Variants in LRRC4C observed in about 807,000 individuals in gnomAD.
LRRC4C encodes leucine-rich repeat-containing protein 4C.
Under a neutral mutation model 33.6 loss-of-function variants are expected in LRRC4C, and 5 were observed. That is an observed-to-expected ratio of 0.15 (90% CI 0.08 to 0.31). The LOEUF (loss-of-function observed/expected upper bound fraction) is 0.31, where lower values mean the gene tolerates loss of function less well. Ranked by LOEUF, LRRC4C falls within the 10% of genes least tolerant of loss-of-function variation. LRRC4C has a pLI of 1.00. For synonymous variants in LRRC4C, 329 were observed against 302.0 expected (o/e 1.09, Z -0.93); for missense variants, 560 against 796.7 (o/e 0.70, Z 3.58).
At chr11:41,081,984 TA>T (rs1250090133) in intron 1 of LRRC4C, among the ~76,000 whole-genome samples, 12 of 152,128 alleles carry the variant, frequency 7.9e-5, no homozygotes, top group African/African-American at 2.7e-4. Flanking sequence ...TCATTGAATT[TA>T]AAAGGCACTT....
intron 2 of LRRC4C, among the ~76,000 whole-genome samples, chr11:40,763,953 A>G (rs80253875): frequency 0.016 from 2,429 of 152,280 alleles, 64 homozygotes; most frequent in African/African-American, 0.056. Context: ...ATTGCAGTGC[A>G]TACAACCTAG....
At position 40,920,136 on chromosome 11, in the gene LRRC4C, A is replaced by G. The variant is rs372232595; in HGVS notation, c.-407+13499T>C. 3.2e-4 allele frequency among the ~76,000 whole-genome samples: 48 copies of G among 152,290 alleles called. 1 individual carries two copies. In the South Asian group the frequency reaches 9.5e-3, roughly 30 times the overall value. ...TGTTGAACAAAAATCAGGATCATAA[A>G]AGCAAGGATTCATTGAGAACACTTC... On this transcript the variant is annotated intron_variant, in intron 2 of 6. Coordinates refer to ENST00000528697, the MANE Select transcript of LRRC4C (RefSeq NM_001258419.2).
intron 1 of LRRC4C, among the ~76,000 whole-genome samples, chr11:41,412,804 G>T (rs1954537691): frequency 6.6e-6 from 1 of 152,100 alleles, no homozygotes; most frequent in Non-Finnish European, 1.5e-5. Flanking sequence ...GACTGGAAAT[G>T]AGAATGTGGT....
At chr11:40,583,641 C>T (rs1234266454) in intron 3 of LRRC4C, among the ~76,000 whole-genome samples, 1 of 152,072 alleles carries the variant, frequency 6.6e-6, no homozygotes, top group Admixed American at 6.5e-5. Flanking sequence ...CTTTCTGCCT[C>T]TCTGCCCTTG....
At chr11:41,107,801 G>A (rs1459740082) in intron 1 of LRRC4C, among the ~76,000 whole-genome samples, 4 of 152,110 alleles carry the variant, frequency 2.6e-5, no homozygotes, top group Non-Finnish European at 5.9e-5. Context: ...AGCCATGTGT[G>A]TTGATGGCAC....
intron 3 of LRRC4C, among the ~76,000 whole-genome samples, chr11:40,646,345 A>G (rs1942455999): frequency 6.6e-6 from 1 of 152,226 alleles, no homozygotes; most frequent in South Asian, 2.1e-4. Flanking sequence ...CCTGTTGCTC[A>G]TAAGAATGAC....
intron 1 of LRRC4C, among the ~76,000 whole-genome samples, chr11:41,407,291 T>C (rs1446124439): frequency 6.6e-6 from 1 of 151,670 alleles, no homozygotes; most frequent in Non-Finnish European, 1.5e-5. Context: ...TGATTAACAT[T>C]GAATTTTTCC....
At chr11:41,337,435 T>C (rs1951492727) in intron 1 of LRRC4C, among the ~76,000 whole-genome samples, 1 of 144,192 alleles carries the variant, frequency 6.9e-6, no homozygotes, top group Non-Finnish European at 1.6e-5. Context: ...ACAAGCAATG[T>C]AGAAAGGATT....
intron 3 of LRRC4C, among the ~76,000 whole-genome samples, chr11:40,488,130 C>T (rs1953959793): frequency 6.6e-6 from 1 of 152,022 alleles, no homozygotes; most frequent in Non-Finnish European, 1.5e-5. Context: ...CAGGGAGCTG[C>T]AAGAAAAATC....
At chr11:41,182,073 C>T (rs113684862) in intron 1 of LRRC4C, among the ~76,000 whole-genome samples, 127 of 152,142 alleles carry the variant, frequency 8.3e-4, no homozygotes, top group Middle Eastern at 6.8e-3. Flanking sequence ...TTGTTGTTTA[C>T]GTATTCTAGG....
At position 41,182,159 on chromosome 11, in the gene LRRC4C, A is replaced by T. The variant is rs964072470; in HGVS notation, c.-495-248436T>A. 5.3e-5 allele frequency among the ~76,000 whole-genome samples: 8 copies of T among 152,332 alleles called. No homozygotes were observed. The East Asian group carries it at 7.7e-4, about 15-fold the overall frequency. On this transcript the variant is annotated intron_variant, in intron 1 of 6. Coordinates refer to ENST00000528697, the MANE Select transcript of LRRC4C (RefSeq NM_001258419.2). ...ATACTCATAGACCAGGGAGATGAAA[A>T]TAGCATCTGATAGAGAATAAGAGAC...
intron 1 of LRRC4C, among the ~76,000 whole-genome samples, chr11:41,337,015 A>C (rs1951477435): frequency 6.6e-6 from 1 of 152,168 alleles, no homozygotes; most frequent in Non-Finnish European, 1.5e-5. Flanking sequence ...CACTACCAGA[A>C]ACAAGCCTCA....
chr11:40,283,120 C>T (rs917101682), intron 4 of LRRC4C, among the ~76,000 whole-genome samples: 4 of 152,192 alleles, frequency 2.6e-5, no homozygotes, highest in Non-Finnish European at 4.4e-5. Flanking sequence ...TCACGAACAA[C>T]GTCAGTGAGG....
chr11:40,174,655 T>G (rs1197295891), intron 5 of LRRC4C, among the ~76,000 whole-genome samples: 2 of 152,212 alleles, frequency 1.3e-5, no homozygotes, highest in Non-Finnish European at 2.9e-5. Flanking sequence ...TTTTAACATT[T>G]GTTTCCTACA....
At chr11:40,485,354 A>C (rs1245090068) in intron 3 of LRRC4C, among the ~76,000 whole-genome samples, 1 of 151,822 alleles carries the variant, frequency 6.6e-6, no homozygotes, top group African/African-American at 2.4e-5. Context: ...CTTCTCTCTC[A>C]CATGCGCGCT....
At chr11:40,588,462 G>T (rs11821222) in intron 3 of LRRC4C, among the ~76,000 whole-genome samples, 6 of 151,286 alleles carry the variant, frequency 4.0e-5, no homozygotes, top group South Asian at 2.1e-4. Flanking sequence ...AGGGTTTTTT[G>T]TGTCTCTATT....
chr11:40,192,172 C>T lies in LRRC4C; in HGVS notation c.-96+49347G>A, dbSNP rs1861896212. 2.0e-5 allele frequency among the ~76,000 whole-genome samples: 3 copies of T among 151,852 alleles called. No individual in the cohort carries two copies. In the South Asian group the frequency reaches 6.3e-4, roughly 32 times the overall value. On this transcript the variant is annotated intron_variant, in intron 5 of 6. Transcript: ENST00000528697. ...AATAGTCATAAGATTTCCTTGATTC[C>T]CGGGCAAGATGGTGGAGTAGGAACA...
intron 6 of LRRC4C, among the ~76,000 whole-genome samples, 176 bp from the exon 7 acceptor site, chr11:40,116,510 C>T (rs1855445865): frequency 6.6e-6 from 1 of 152,046 alleles, no homozygotes; most frequent in African/African-American, 2.4e-5. Flanking sequence ...GAAAATGTAC[C>T]TTTAATCCAA....
chr11:40,596,401 G>A (rs769366890), intron 3 of LRRC4C, among the ~76,000 whole-genome samples: 10 of 151,442 alleles, frequency 6.6e-5, no homozygotes, highest in Non-Finnish European at 1.5e-4. Flanking sequence ...AACAAATCAG[G>A]GCATTTGGGG....
Sources: gnomAD v4.1 joint callset for allele counts (sites outside exome capture counted in the v4.1 genomes callset) on GRCh38, gnomAD v4.1.1 for gene constraint, MANE v1.5 for transcripts, NCBI Gene and HGNC (gene_info 2026-07-23, HGNC 2026-07-21) for gene names.